TRAP1: variants seen among roughly 807,000 people sequenced by gnomAD.
TRAP1 encodes TNF receptor associated protein 1.
A neutral mutation model predicts 89.1 loss-of-function variants in TRAP1; 102 were observed. The observed-to-expected ratio is 1.15, with a 90% CI of 0.98 to 1.35. The LOEUF (loss-of-function observed/expected upper bound fraction) is 1.35. Among genes scored for constraint, TRAP1 ranks in the 40% most tolerant of loss-of-function variants. The probability of loss-of-function intolerance (pLI) is 0.00; values close to 1 mark genes in which losing one functional copy is unlikely to be tolerated. For synonymous variants in TRAP1, 508 were observed against 388.0 expected (o/e 1.31, Z -3.64); for missense variants, 1,256 against 945.3 (o/e 1.33, Z -4.31).
At chr16:3,658,516 CTACTAAA>C in intron 17 of TRAP1, 4 of 569,722 alleles carry the variant, frequency 7.0e-6, no homozygotes, top group Non-Finnish European at 1.2e-5. Flanking sequence ...AACCCCATCT[CTACTAAA>C]ATACAAAATT....
At position 3,666,115 on chromosome 16, in the gene TRAP1, T is replaced by A; in HGVS notation, c.1239A>T (p.Lys413Asn). ...GCCTCTGCTGTAAAACGTCCCGGAG[T>A]TTCCTACAGAAAAGAAATGCATTTA... is the stretch of plus-strand genomic sequence containing the variant. The part of the protein sequence containing the change: ...ELLQESALIR[K>N]LRDVLQQRLI... The change falls in exon 12 of 18, where the codon AAA becomes AAT. Residue 413 changes from lysine (K) to asparagine (N), a missense_variant. Transcript: ENST00000246957. 6.2e-7 allele frequency: 1 copy of A among 1,608,880 alleles called. No individual in the cohort carries two copies.
chr16:3,672,800 C>CACATCAA lies in TRAP1; in HGVS notation c.1058_1064dup (p.Ser356Ter). 1 of 1,613,084 alleles carries CACATCAA rather than the reference C, an allele frequency of 6.2e-7. No homozygotes were observed. ...CAACGCTGGAGCCCAGCTCCCGGCT[C>CACATCAA]ACATCAAACATGGACGGTTTCTGGG... is the stretch of plus-strand genomic sequence containing the variant. On this transcript the variant is annotated stop_gained and frameshift_variant, in exon 10 of 18. Coordinates refer to ENST00000246957, the MANE Select transcript of TRAP1 (RefSeq NM_016292.3). LOFTEE classifies it high-confidence loss of function.
intron 16 of TRAP1, chr16:3,659,774 TAGATA>T (rs1212195129): frequency 1.3e-5 from 2 of 148,914 alleles, no homozygotes; most frequent in Non-Finnish European, 3.0e-5. Context: ...GATAGATAGA[TAGATA>T]GACTCTCACT....
chr16:3,663,509 C>G lies in TRAP1; in HGVS notation c.1623G>C (p.Glu541Asp), dbSNP rs148235024. ...FDELTLLHLR[E>D]FDKKKLISVE... ...CAGAGATCAGCTTCTTCTTGTCAAA[C>G]TCACGAAGGTGCAGCAGGGTGAGCT... The change falls in exon 14 of 18, where the codon GAG becomes GAC. Residue 541 changes from glutamate (E) to aspartate (D), a missense_variant. By Grantham distance (45) the Glu-to-Asp change is conservative (BLOSUM62 2). Transcript: ENST00000246957. 6 of 1,614,194 alleles carry G rather than the reference C, an allele frequency of 3.7e-6. No individual in the cohort carries two copies. The highest frequency in any genetic ancestry group is 2.5e-6 in the Non-Finnish European group (3 of 1,180,040).
At chr16:3,699,264 G>A (rs181442026) in intron 1 of TRAP1, among the ~76,000 whole-genome samples, 215 of 152,266 alleles carry the variant, frequency 1.4e-3, no homozygotes, top group African/African-American at 5.1e-3. Flanking sequence ...TCCCATTCAG[G>A]CCTCCCTGGC....
chr16:3,682,391 A>G (rs1448424514), intron 4 of TRAP1, among the ~76,000 whole-genome samples: 1 of 151,220 alleles, frequency 6.6e-6, no homozygotes, highest in African/African-American at 2.4e-5. Flanking sequence ...CCTCTACAAA[A>G]AAAAAAAAAA....
intron 1 of TRAP1, 89 bp from the exon 2 acceptor site, chr16:3,691,074 A>G: frequency 7.9e-7 from 1 of 1,263,104 alleles, no homozygotes; most frequent in Non-Finnish European, 1.0e-6. Flanking sequence ...GTCTAGCAGA[A>G]GCTAGCGTGG....
chr16:3,686,996 G>A (rs960986525), intron 3 of TRAP1: 1 of 152,050 alleles, frequency 6.6e-6, no homozygotes, highest in Non-Finnish European at 1.5e-5. Context: ...GGCCTGCGAG[G>A]AACAATTTCT....
chr16:3,666,181 G>A (rs1207624645), intron 11 of TRAP1, 63 bp from the exon 12 acceptor site: 3 of 1,541,290 alleles, frequency 1.9e-6, no homozygotes, highest in Non-Finnish European at 2.6e-6. Flanking sequence ...ATGGCCAGAG[G>A]GTACGAAAAA....
At chr16:3,711,489 C>T (rs1336925706) in intron 1 of TRAP1, among the ~76,000 whole-genome samples, 1 of 151,910 alleles carries the variant, frequency 6.6e-6, no homozygotes, top group Non-Finnish European at 1.5e-5. Context: ...GCCCCAGCTA[C>T]TTGGGAGGCT....
intron 1 of TRAP1, among the ~76,000 whole-genome samples, chr16:3,700,702 G>C (rs1220189682): frequency 6.6e-6 from 1 of 152,148 alleles, no homozygotes; most frequent in Non-Finnish European, 1.5e-5. Flanking sequence ...TGGGGCTCAA[G>C]GGATCCTCCT....
rs746807153 is a variant in TRAP1, at chr16:3,674,467, C to T, written c.916G>A (p.Val306Ile). 1.2e-6 allele frequency: 2 copies of T among 1,614,038 alleles called. No homozygotes were observed. The highest frequency in any genetic ancestry group is 1.7e-6 in the Non-Finnish European group (2 of 1,180,010). ...QAIWMMDPKD[V>I]REWQHEEFYR... ...AACTCCTCATGTTGCCACTCACGGA[C>T]ATCCTTGGGGTCCATCATCCAGATG... The change falls in exon 9 of 18, where the codon GTC becomes ATC. Residue 306 changes from valine (V) to isoleucine (I), a missense_variant. Coordinates refer to ENST00000246957, the MANE Select transcript of TRAP1 (RefSeq NM_016292.3).
chr16:3,662,504 G>A, intron 15 of TRAP1: 1 of 519,284 alleles, frequency 1.9e-6, no homozygotes, highest in Non-Finnish European at 3.6e-6. Flanking sequence ...GGGAGTCTTA[G>A]CTCTCTGAAG....
chr16:3,690,210 T>C (rs1411153148), intron 2 of TRAP1, among the ~76,000 whole-genome samples: 1 of 152,140 alleles, frequency 6.6e-6, no homozygotes. Flanking sequence ...GGGTCTATCT[T>C]GCCCAGGTTG....
At chr16:3,658,615 G>A (rs537971545) in intron 17 of TRAP1, 178 bp downstream of exon 17, 2 of 632,004 alleles carry the variant, frequency 3.2e-6, no homozygotes, top group Non-Finnish European at 2.7e-6. Flanking sequence ...AGAGGTTGTA[G>A]TGAGCCAAGA....
Position 3,666,137 on chromosome 16 carries a change from T to C in TRAP1, c.1236-19A>G, listed in dbSNP as rs1016373522. 1 of 1,606,646 alleles carries C rather than the reference T, an allele frequency of 6.2e-7. No individual in the cohort carries two copies. The highest frequency in any genetic ancestry group is 2.2e-5 in the East Asian group (1 of 44,820). On this transcript the variant is annotated intron_variant, in intron 11 of 17. Coordinates refer to ENST00000246957, the MANE Select transcript of TRAP1 (RefSeq NM_016292.3). ...GAGTTTCCTACAGAAAAGAAATGCA[T>C]TTAATACATACAAGCAGCCTCTATG...
rs766403477 is a variant in TRAP1, at chr16:3,663,596, CG to C, written c.1570-35del. 13 of 1,611,284 alleles carry C rather than the reference CG, an allele frequency of 8.1e-6. No homozygotes were observed. The East Asian group carries it at 2.0e-4, about 25-fold the overall frequency. On this transcript the variant is annotated intron_variant, in intron 13 of 17. Transcript: ENST00000246957. ...GGCCAAGAGCAGCTCCATCAGACCCCGGGGGCCTCCAGCCACCACAGAAGAA... is the reference window on the plus strand; with the variant it reads ...GGCCAAGAGCAGCTCCATCAGACCCCGGGGCCTCCAGCCACCACAGAAGAA...
At chr16:3,678,789 C>T (rs192595853) in intron 5 of TRAP1, among the ~76,000 whole-genome samples, 16 of 152,302 alleles carry the variant, frequency 1.1e-4, no homozygotes, top group Admixed American at 9.2e-4. Flanking sequence ...GATGAGGAGA[C>T]TGAAGTAAGT....
chr16:3,703,549 G>T (rs2051397896), intron 1 of TRAP1, among the ~76,000 whole-genome samples: 1 of 151,952 alleles, frequency 6.6e-6, no homozygotes, highest in Non-Finnish European at 1.5e-5. Context: ...ATGCCACGCA[G>T]ATCTCTGCAA....
Sources: gnomAD v4.1 joint callset for allele counts (sites outside exome capture counted in the v4.1 genomes callset) on GRCh38, gnomAD v4.1.1 for gene constraint, MANE v1.5 for transcripts, NCBI Gene and HGNC (gene_info 2026-07-23, HGNC 2026-07-21) for gene names.